The following TECTA variants were observed in gnomAD, a reference collection of about 807,000 sequenced individuals.
TECTA encodes the protein alpha-tectorin.
TECTA carries 128 observed loss-of-function variants against 216.8 expected under a neutral mutation model. The ratio of observed to expected loss-of-function variants is 0.59; its 90% confidence interval spans 0.51 to 0.68. TECTA has a LOEUF of 0.68. Among genes scored for constraint, TECTA ranks in the 30% least tolerant of loss-of-function variants. The probability of loss-of-function intolerance (pLI) is 0.00; values close to 1 mark genes in which losing one functional copy is unlikely to be tolerated. For missense variants in TECTA, 2,551 were observed against 2,786.2 expected, an observed-to-expected ratio of 0.92 and a Z score of 1.90; for synonymous variants, 1,089 against 1,117.1, an observed-to-expected ratio of 0.97 and a Z score of 0.50.
In TECTA at chr11:121,168,792, C is replaced by T. The variant is rs1565536400; in HGVS notation, c.5866C>T (p.Arg1956Ter). The T allele has an allele frequency of 6.2e-7, 1 of 1,614,152 alleles. No homozygotes were observed. The highest frequency in any genetic ancestry group is 1.1e-5 in the South Asian group (1 of 91,072). Reference sequence around the variant, plus strand: ...CCAGGGTGAAGTAGTGTTGACGACTCGAGATGTGCTGTATGTAGGGGTTTT... The same window carrying T: ...CCAGGGTGAAGTAGTGTTGACGACTTGAGATGTGCTGTATGTAGGGGTTTT... ...YRQGEVVLTT[R>*]DVLYVGVFVV... The change falls in exon 20 of 24, where the codon CGA becomes TGA. Residue 1956 changes from arginine to a stop codon, truncating the protein, a stop_gained. Coordinates refer to ENST00000392793, the MANE Select transcript of TECTA (RefSeq NM_005422.4). LOFTEE classifies it high-confidence loss of function.
chr11:121,135,744 G>A (rs1565526075), intron 10 of TECTA, among the ~76,000 whole-genome samples: 1 of 152,176 alleles, frequency 6.6e-6, no homozygotes, highest in Non-Finnish European at 1.5e-5. Flanking sequence ...GTATGTATAC[G>A]AGCCAAAGAA....
At position 121,157,990 on chromosome 11, in the gene TECTA, C is replaced by A. The variant is rs529091322; in HGVS notation, c.4455C>A (p.Ser1485=). 4 of 1,613,222 alleles carry A rather than the reference C, an allele frequency of 2.5e-6. No homozygotes were observed. In the South Asian group the frequency reaches 4.4e-5, roughly 18 times the overall value. ...GVRGCFSTKT[S]YCLAAGGGVF... is the part of the protein sequence containing the mutation. ...GCGGCTGCTTCAGCACCAAGACCTC[C>A]TACTGCCTGGCGGCCGGCGGCGGCG... Residue 1485 remains serine, a synonymous_variant, in exon 14 of 24, where the codon TCC becomes TCA. Coordinates refer to ENST00000392793, the MANE Select transcript of TECTA (RefSeq NM_005422.4).
chr11:121,138,663 T>A (rs1009912722), intron 11 of TECTA, among the ~76,000 whole-genome samples: 4 of 152,142 alleles, frequency 2.6e-5, no homozygotes, highest in African/African-American at 9.7e-5. Flanking sequence ...CAAAGAGCAC[T>A]TCCTTGGCCA....
chr11:121,125,529 C>T lies in TECTA; in HGVS notation c.1431C>T (p.Gly477=). 6.2e-7 allele frequency: 1 copy of T among 1,614,218 alleles called. No homozygotes were observed. Among genetic ancestry groups the T allele is most frequent in the Non-Finnish European group, 8.5e-7 (1 of 1,180,054 alleles). The change falls in exon 8 of 24, where the codon GGC becomes GGT. Residue 477 remains glycine (G), a synonymous_variant. Transcript: ENST00000392793. ...TGGATGACTTCCTCCGCCCGGATGG[C>T]AGGCCGGCCATGTCTGTCCTGGATC... ...NPLDDFLRPD[G]RPAMSVLDLG... is the part of the protein sequence containing the mutation.
chr11:121,138,389 A>C (rs1946752633), intron 11 of TECTA, among the ~76,000 whole-genome samples: 1 of 152,104 alleles, frequency 6.6e-6, no homozygotes, highest in Admixed American at 6.5e-5. Context: ...TGGCCACTCC[A>C]TCTGTAAAAG....
At chr11:121,132,729 A>AT (rs774186722) in intron 10 of TECTA, among the ~76,000 whole-genome samples, 2 of 151,440 alleles carry the variant, frequency 1.3e-5, no homozygotes, top group African/African-American at 4.9e-5. Context: ...TCCTTTTTTA[A>AT]TTTTTTTTGA....
At position 121,137,196 on chromosome 11, in the gene TECTA, G is replaced by A. The variant is rs553282059; in HGVS notation, c.2942-225G>A. The stretch of plus-strand genomic sequence containing the variant: ...TGTGTGCACACACAGGCACTCATAC[G>A]TACACACACGCACTCGCACACATGC... On this transcript the variant is annotated intron_variant, in intron 10 of 23. Transcript: ENST00000392793. Among the ~76,000 whole-genome samples the A allele has an allele frequency of 4.0e-5, 6 of 151,678 alleles. No homozygotes were observed. The South Asian group carries it at 1.0e-3, about 26-fold the overall frequency.
chr11:121,113,070 A>C lies in TECTA; in HGVS notation c.487-2A>C. On this transcript the variant is annotated splice_acceptor_variant, in intron 4 of 23. Coordinates refer to ENST00000392793, the MANE Select transcript of TECTA (RefSeq NM_005422.4). LOFTEE classifies it high-confidence loss of function. This position sits in a 1 kb window ranked among gnomAD's most constrained non-coding sequence, Gnocchi z 4.2. ...ATGAGACTGCGCATTCCCATCCTGT[A>C]GGTGAACACCTTCCAGGCCGTCCTA... is the stretch of plus-strand genomic sequence containing the variant. 1 of 1,614,060 alleles carries C rather than the reference A, an allele frequency of 6.2e-7. No individual in the cohort carries two copies. Among genetic ancestry groups the C allele is most frequent in the Non-Finnish European group, 8.5e-7 (1 of 1,179,994 alleles).
intron 3 of TECTA, among the ~76,000 whole-genome samples, chr11:121,106,552 T>C (rs548000425): frequency 4.6e-5 from 7 of 152,244 alleles, no homozygotes; most frequent in African/African-American, 1.4e-4. Context: ...TCTCAGGTTT[T>C]TGTTTTTGGT....
chr11:121,146,071 A>G lies in TECTA; in HGVS notation c.4060A>G (p.Thr1354Ala). ...WLQNYASTCQ[T>A]QGITVTGWRN... The stretch of plus-strand genomic sequence containing the variant: ...GCAGAACTACGCCAGCACCTGCCAG[A>G]CTCAGGGGATTACGGTGACTGGCTG... The change falls in exon 12 of 24, where the codon ACT (threonine) becomes GCT (alanine). Residue 1354 changes from threonine to alanine, a missense_variant. Thr to Ala is a moderately conservative substitution (Grantham distance 58, BLOSUM62 0). Coordinates refer to ENST00000392793, the MANE Select transcript of TECTA (RefSeq NM_005422.4). The G allele has an allele frequency of 6.2e-7, 1 of 1,612,838 alleles. No homozygotes were observed. The highest frequency in any genetic ancestry group is 8.5e-7 in the Non-Finnish European group (1 of 1,180,028).
At chr11:121,130,942 T>A (rs943156323) in intron 10 of TECTA, among the ~76,000 whole-genome samples, 1 of 149,350 alleles carries the variant, frequency 6.7e-6, no homozygotes, top group South Asian at 2.1e-4. Context: ...CGGCCGGGCA[T>A]GGTGGCTCAC....
Position 121,130,082 on chromosome 11 carries a change from A to T in TECTA, c.2812A>T (p.Thr938Ser). 6.2e-7 allele frequency: 1 copy of T among 1,613,890 alleles called. No homozygotes were observed. The highest frequency in any genetic ancestry group is 8.5e-7 in the Non-Finnish European group (1 of 1,180,006). The stretch of plus-strand genomic sequence containing the variant: ...GGTGAACGTCACTGCCTATTACCGC[A>T]CCTGCCTTTTCCGCCTGTGCCAGAG... ...GVVNVTAYYR[T>S]CLFRLCQSGG... The change falls in exon 10 of 24, where the codon ACC becomes TCC. Residue 938 changes from threonine to serine, a missense_variant. This residue lies in a region of TECTA where 2,375 missense variants were observed against 2,563.9 expected (regional missense o/e 0.93). Coordinates refer to ENST00000392793, the MANE Select transcript of TECTA (RefSeq NM_005422.4).
At chr11:121,184,366 C>A (rs1947260600) in intron 20 of TECTA, among the ~76,000 whole-genome samples, 1 of 152,172 alleles carries the variant, frequency 6.6e-6, no homozygotes, top group South Asian at 2.1e-4. Flanking sequence ...GCATTGTAAC[C>A]AATGAGGAGA....
Position 121,137,690 on chromosome 11 carries a change from C to T in TECTA, c.3211C>T (p.His1071Tyr), listed in dbSNP as rs1174042112. The T allele has an allele frequency of 1.9e-6, 3 of 1,613,992 alleles. No homozygotes were observed. Among genetic ancestry groups the T allele is most frequent in the Middle Eastern group, 1.6e-4 (1 of 6,084 alleles). ...CYCSGTDNRV[H>Y]CETIPCKDDE... Reference sequence around the variant, plus strand: ...TTGCAGTGGCACAGACAACAGGGTCCACTGCGAGACCATTCCCTGCAAGGA... The same window carrying T: ...TTGCAGTGGCACAGACAACAGGGTCTACTGCGAGACCATTCCCTGCAAGGA... Residue 1071 changes from histidine (H) to tyrosine (Y), a missense_variant, in exon 11 of 24, where the codon CAC becomes TAC. Coordinates refer to ENST00000392793, the MANE Select transcript of TECTA (RefSeq NM_005422.4).
intron 20 of TECTA, among the ~76,000 whole-genome samples, chr11:121,182,909 C>A (rs933444260): frequency 1.3e-5 from 2 of 152,174 alleles, no homozygotes. Context: ...ACCTGGTGGG[C>A]TGATCTTCAG....
Position 121,153,084 on chromosome 11 carries a change from T to C in TECTA, c.4305+4T>C, listed in dbSNP as rs764255548. The C allele has an allele frequency of 1.6e-5, 25 of 1,612,464 alleles. 1 individual carries two copies. The South Asian group carries it at 2.1e-4, about 13-fold the overall frequency. On this transcript the variant is annotated splice_donor_region_variant and intron_variant, in intron 13 of 23. Transcript: ENST00000392793. The stretch of plus-strand genomic sequence containing the variant: ...CTCCGATGGCAAATATTACGAGGTA[T>C]GGGAGGCCAGCCCGGCCTTTTCCTC...
At position 121,105,876 on chromosome 11, in the gene TECTA, A is replaced by G; in HGVS notation, c.110A>G (p.Lys37Arg). 6.2e-7 allele frequency: 1 copy of G among 1,614,166 alleles called. No individual in the cohort carries two copies. Among genetic ancestry groups the G allele is most frequent in the African/African-American group, 1.3e-5 (1 of 75,048 alleles). Residue 37 changes from lysine to arginine, a missense_variant, in exon 3 of 24, where the codon AAA becomes AGA. Around this residue, in one of 3 missense-constraint regions of TECTA, gnomAD observed 2,375 missense variants for 2,563.9 expected, o/e 0.93. Transcript: ENST00000392793. This position sits in a 1 kb window ranked among gnomAD's most constrained non-coding sequence, Gnocchi z 5.3. Reference protein sequence around the residue: ...LMYPFWQNDTKTPKVDDGSSS... With the variant: ...LMYPFWQNDTRTPKVDDGSSS... ...TATCCATTTTGGCAGAATGACACCA[A>G]AACCCCTAAAGTAGATGATGGAAGC...
chr11:121,132,006 A>G (rs992861434), intron 10 of TECTA, among the ~76,000 whole-genome samples: 2 of 152,206 alleles, frequency 1.3e-5, no homozygotes, highest in African/African-American at 4.8e-5. Context: ...TTTTTTAATC[A>G]TATAATTAAT....
At chr11:121,151,914 A>G (rs1347240803) in intron 12 of TECTA, among the ~76,000 whole-genome samples, 1 of 152,218 alleles carries the variant, frequency 6.6e-6, no homozygotes, top group Non-Finnish European at 1.5e-5. Flanking sequence ...CTTCTACGAA[A>G]CTTTTTAAGC....
Sources: gnomAD v4.1 joint callset for allele counts (sites outside exome capture counted in the v4.1 genomes callset) on GRCh38, gnomAD v4.1.1 for gene constraint, gnomAD v4.1.1 regional missense constraint, Gnocchi (gnomAD v3.1) non-coding constraint, MANE v1.5 for transcripts, NCBI Gene and HGNC (gene_info 2026-07-23, HGNC 2026-07-21) for gene names.